The following DIPK1A variants were observed in gnomAD, a reference collection of about 807,000 sequenced individuals.
DIPK1A encodes the protein divergent protein kinase domain 1A, also known as family with sequence similarity 69 member A.
A neutral mutation model predicts 40.8 loss-of-function variants in DIPK1A; 27 were observed. The observed-to-expected ratio is 0.66, with a 90% CI of 0.49 to 0.91. The LOEUF (loss-of-function observed/expected upper bound fraction) is 0.91, where lower values mean the gene tolerates loss of function less well. Ranked by LOEUF, DIPK1A falls within the 40% of genes least tolerant of loss-of-function variation. The probability of loss-of-function intolerance (pLI) is 0.00; values close to 1 mark genes in which losing one functional copy is unlikely to be tolerated. For missense variants in DIPK1A, 412 were observed against 505.7 expected, an observed-to-expected ratio of 0.81 and a Z score of 1.78; for synonymous variants, 166 against 171.3, an observed-to-expected ratio of 0.97 and a Z score of 0.24.
intron 4 of DIPK1A, chr1:92,833,350 A>G (rs1571023797): frequency 2.0e-6 from 3 of 1,486,502 alleles, no homozygotes; most frequent in South Asian, 2.3e-5. Flanking sequence ...ATCATAGGCT[A>G]AGACATCAAA....
chr1:92,863,672 A>AT (rs1272975025), intron 2 of DIPK1A, among the ~76,000 whole-genome samples: 1 of 151,976 alleles, frequency 6.6e-6, no homozygotes, highest in African/African-American at 2.4e-5. Context: ...TGTTTAATAG[A>AT]TTTTTTATAA....
intron 1 of DIPK1A, among the ~76,000 whole-genome samples, chr1:92,940,019 C>G (rs1651092322): frequency 6.6e-6 from 1 of 151,938 alleles, no homozygotes; most frequent in African/African-American, 2.4e-5. Flanking sequence ...CCTTTAAGTA[C>G]CTGTATATTA....
intron 1 of DIPK1A, among the ~76,000 whole-genome samples, chr1:92,908,819 A>C (rs1380098655): frequency 6.6e-6 from 1 of 152,172 alleles, no homozygotes; most frequent in Non-Finnish European, 1.5e-5. Context: ...CTTGGACTCA[A>C]GGAGAGACAC....
chr1:92,867,668 GC>G (rs1399203319), intron 2 of DIPK1A, among the ~76,000 whole-genome samples: 3 of 152,048 alleles, frequency 2.0e-5, no homozygotes, highest in African/African-American at 7.2e-5. Context: ...GGCACACCTG[GC>G]TAATTTTTGT....
chr1:92,835,296 T>C (rs1687074414), intron 4 of DIPK1A: 1 of 328,272 alleles, frequency 3.0e-6, no homozygotes, highest in Non-Finnish European at 5.9e-6. Context: ...GGAACTCCAC[T>C]CTAGACCTTC....
chr1:92,932,246 G>T (rs1357348851), intron 1 of DIPK1A: 7 of 166,168 alleles, frequency 4.2e-5, no homozygotes, highest in African/African-American at 1.7e-4. Context: ...TTCGAGACCA[G>T]TCTGACCAAC....
At chr1:92,833,321 GTTAA>G (rs1329158058) in intron 4 of DIPK1A, 1 of 1,271,626 alleles carries the variant, frequency 7.9e-7, no homozygotes, top group Non-Finnish European at 1.1e-6. Flanking sequence ...TTGTTACATG[GTTAA>G]TTTATGTCAA....
intron 1 of DIPK1A, among the ~76,000 whole-genome samples, chr1:92,893,475 C>T (rs1648996729): frequency 6.6e-6 from 1 of 151,922 alleles, no homozygotes; most frequent in Non-Finnish European, 1.5e-5. Context: ...CACCATCAGG[C>T]CTGCCCTAAA....
chr1:92,845,096 C>T (rs1056527924), intron 4 of DIPK1A, among the ~76,000 whole-genome samples: 6 of 151,362 alleles, frequency 4.0e-5, no homozygotes, highest in Non-Finnish European at 5.9e-5. Context: ...AGGCGCCTGC[C>T]ACCACGCCCA....
At chr1:92,896,236 A>G (rs368029113) in intron 1 of DIPK1A, among the ~76,000 whole-genome samples, 25 of 152,326 alleles carry the variant, frequency 1.6e-4, no homozygotes, top group African/African-American at 4.3e-4. Flanking sequence ...GAGGCATCTC[A>G]CTACCTGACT....
chr1:92,890,236 A>G (rs974238208), intron 1 of DIPK1A, among the ~76,000 whole-genome samples: 9 of 152,166 alleles, frequency 5.9e-5, no homozygotes, highest in African/African-American at 2.2e-4. Flanking sequence ...AGAGTTTTCT[A>G]TATATAAGAT....
intron 2 of DIPK1A, among the ~76,000 whole-genome samples, chr1:92,866,435 G>A (rs529308464): frequency 1.1e-4 from 16 of 152,216 alleles, no homozygotes; most frequent in African/African-American, 2.9e-4. Context: ...CCTCCTCTAT[G>A]AAGCCTTTCC....
Position 92,893,829 on chromosome 1 carries a change from T to C in DIPK1A, c.55-17399A>G, listed in dbSNP as rs546319715. 2.1e-3 allele frequency among the ~76,000 whole-genome samples: 297 copies of C among 143,364 alleles called. 1 individual carries two copies. Among genetic ancestry groups the C allele is most frequent in the African/African-American group, 6.5e-3 (253 of 38,782 alleles). 94.1% of individuals were successfully genotyped at this position (143,364 alleles called of 152,430 possible). ...GAAGATCTACCAAGCAAATGGAAAATAAAAAAAGGCAGGGGTTGCAATCCT... is the reference window on the plus strand; with the variant it reads ...GAAGATCTACCAAGCAAATGGAAAACAAAAAAAGGCAGGGGTTGCAATCCT... On this transcript the variant is annotated intron_variant, in intron 1 of 4. Coordinates refer to ENST00000370310, the MANE Select transcript of DIPK1A (RefSeq NM_001006605.5).
At chr1:92,861,321 C>CTCTTTTTTTTTT (rs1553125720) in intron 2 of DIPK1A, among the ~76,000 whole-genome samples, 3 of 83,548 alleles carry the variant, frequency 3.6e-5, no homozygotes, top group Non-Finnish European at 4.2e-5. Flanking sequence ...CTCTCTCTCT[C>CTCTTTTTTTTTT]TTTTTTTTTT....
At chr1:92,873,975 T>A (rs1169951180) in intron 2 of DIPK1A, among the ~76,000 whole-genome samples, 1 of 152,212 alleles carries the variant, frequency 6.6e-6, no homozygotes, top group Non-Finnish European at 1.5e-5. Flanking sequence ...ACTATTGACT[T>A]TAGTACTACT....
chr1:92,938,620 A>G (rs887693093), intron 1 of DIPK1A, among the ~76,000 whole-genome samples: 1 of 152,354 alleles, frequency 6.6e-6, no homozygotes, highest in East Asian at 1.9e-4. Context: ...ATAGAAAGCC[A>G]TAATGTATTT....
At chr1:92,874,083 G>A (rs1266008283) in intron 2 of DIPK1A, among the ~76,000 whole-genome samples, 1 of 152,066 alleles carries the variant, frequency 6.6e-6, no homozygotes, top group African/African-American at 2.4e-5. Flanking sequence ...GACTCAGAAA[G>A]CTCTTTCATT....
chr1:92,938,051 G>A (rs1320088731), intron 1 of DIPK1A, among the ~76,000 whole-genome samples: 3 of 152,154 alleles, frequency 2.0e-5, no homozygotes, highest in South Asian at 2.1e-4. Flanking sequence ...AGAAATGAAC[G>A]ATTTTCAAGT....
At chr1:92,858,980 T>C (rs1333437737) in intron 2 of DIPK1A, among the ~76,000 whole-genome samples, 1 of 152,198 alleles carries the variant, frequency 6.6e-6, no homozygotes, top group Non-Finnish European at 1.5e-5. Flanking sequence ...AAGATTGTTC[T>C]TTACTCCGGT....
Sources: allele counts gnomAD v4.1 joint callset (sites outside exome capture counted in the v4.1 genomes callset), GRCh38; gene constraint gnomAD v4.1.1; transcripts MANE v1.5; gene names NCBI Gene and HGNC (gene_info 2026-07-23, HGNC 2026-07-21).